The following HPSE2 variants were observed in gnomAD, a reference collection of about 807,000 sequenced individuals.
HPSE2 encodes the protein heparanase 2 (inactive).
Under a neutral mutation model 60.5 loss-of-function variants are expected in HPSE2, and 38 were observed. The observed-to-expected ratio is 0.63, with a 90% CI of 0.48 to 0.82. The LOEUF is 0.82. Among genes scored for constraint, HPSE2 ranks in the 40% least tolerant of loss-of-function variants. The pLI is 0.00. For missense variants in HPSE2, 713 were observed against 740.4 expected, an observed-to-expected ratio of 0.96 and a Z score of 0.43; for synonymous variants, 295 against 293.2, an observed-to-expected ratio of 1.01 and a Z score of -0.06.
intron 3 of HPSE2, among the ~76,000 whole-genome samples, chr10:99,112,054 T>C (rs1443656533): frequency 3.9e-5 from 6 of 152,046 alleles, no homozygotes; most frequent in Non-Finnish European, 8.8e-5. Context: ...ATGGGTTGAG[T>C]GAATATTAAC....
chr10:98,759,793 T>C lies in HPSE2; in HGVS notation c.611-15737A>G, dbSNP rs547946452. Among the ~76,000 whole-genome samples, 4 of 152,258 alleles carry C rather than the reference T, an allele frequency of 2.6e-5. No individual in the cohort carries two copies. In the East Asian group the frequency reaches 7.7e-4, roughly 29 times the overall value. On this transcript the variant is annotated intron_variant, in intron 3 of 11. Coordinates refer to ENST00000370552, the MANE Select transcript of HPSE2 (RefSeq NM_021828.5). ...CTATTCAGGGTCTTTTGTGGTTCCA[T>C]GTGAATTTTAGAATTGTTTTACTAT... is the stretch of plus-strand genomic sequence containing the variant.
intron 3 of HPSE2, among the ~76,000 whole-genome samples, chr10:99,115,303 G>A (rs961782637): frequency 2.0e-4 from 31 of 151,914 alleles, no homozygotes; most frequent in African/African-American, 6.5e-4. Context: ...GCAGGCGCCC[G>A]CCAACACACC....
Position 98,938,961 on chromosome 10 carries a change from A to C in HPSE2, c.611-194905T>G, listed in dbSNP as rs373032413. Among the ~76,000 whole-genome samples, 479 of 144,116 alleles carry C rather than the reference A, an allele frequency of 3.3e-3. 93 individuals carry two copies. The highest frequency in any genetic ancestry group is 0.011 in the African/African-American group (394 of 35,536). 94.5% of individuals were successfully genotyped at this position (144,116 alleles called of 152,430 possible). A position where few individuals can be genotyped will look rare whatever the true frequency, so the allele number is the denominator to read the frequency against. ...TTCTTAAAGAAAAGAATTTTCAACC[A>C]AGAATTTCATATCCAGCCAAACTAA... On this transcript the variant is annotated intron_variant, in intron 3 of 11. Coordinates refer to ENST00000370552, the MANE Select transcript of HPSE2 (RefSeq NM_021828.5).
chr10:99,038,537 G>A (rs1195152608), intron 3 of HPSE2, among the ~76,000 whole-genome samples: 1 of 152,110 alleles, frequency 6.6e-6, no homozygotes, highest in East Asian at 1.9e-4. Flanking sequence ...AGAAGTAGGT[G>A]TGACTATCAA....
chr10:98,588,433 G>C (rs1229650977), intron 9 of HPSE2, among the ~76,000 whole-genome samples: 1 of 152,188 alleles, frequency 6.6e-6, no homozygotes, highest in Admixed American at 6.5e-5. Flanking sequence ...GGCAGCTACA[G>C]TGGCACAGAA....
At chr10:98,733,745 T>C (rs543750595) in intron 4 of HPSE2, among the ~76,000 whole-genome samples, 10 of 152,264 alleles carry the variant, frequency 6.6e-5, no homozygotes, top group Non-Finnish European at 7.4e-5. Flanking sequence ...ATTACAAATA[T>C]AAGCCTCTAA....
intron 9 of HPSE2, among the ~76,000 whole-genome samples, chr10:98,565,129 A>G (rs1285150021): frequency 2.0e-5 from 3 of 147,850 alleles, no homozygotes; most frequent in African/African-American, 5.0e-5. Flanking sequence ...AGAAACAGAA[A>G]CCCAAGCAGA....
At chr10:98,831,976 C>T (rs1027395039) in intron 3 of HPSE2, among the ~76,000 whole-genome samples, 1 of 152,174 alleles carries the variant, frequency 6.6e-6, no homozygotes, top group Non-Finnish European at 1.5e-5. Flanking sequence ...TAGGTTTGAT[C>T]CCTTGGGATA....
the HPSE2 span, among the ~76,000 whole-genome samples, chr10:99,271,884 T>C: frequency 1.3e-5 from 2 of 151,876 alleles, no homozygotes; most frequent in East Asian, 3.9e-4. Flanking sequence ...AAACATAAGG[T>C]GGGGAAAGGA....
chr10:98,976,898 A>G (rs1214753283), intron 3 of HPSE2, among the ~76,000 whole-genome samples: 1 of 152,202 alleles, frequency 6.6e-6, no homozygotes, highest in African/African-American at 2.4e-5. Context: ...AAGTATCCTT[A>G]TAAAAGACAC....
chr10:98,613,988 C>T (rs1945830234), intron 9 of HPSE2, among the ~76,000 whole-genome samples: 1 of 152,274 alleles, frequency 6.6e-6, no homozygotes, highest in South Asian at 2.1e-4. Context: ...CTGCTTTTGC[C>T]ATTCTAGTTT....
At chr10:98,531,628 G>A (rs902104281) in intron 9 of HPSE2, among the ~76,000 whole-genome samples, 8 of 152,164 alleles carry the variant, frequency 5.3e-5, no homozygotes, top group African/African-American at 1.7e-4. Context: ...TCAAATTAGG[G>A]CAACAAGCTC....
intron 3 of HPSE2, among the ~76,000 whole-genome samples, chr10:98,800,352 A>C (rs1364929806): frequency 1.3e-5 from 2 of 150,976 alleles, no homozygotes; most frequent in Non-Finnish European, 3.0e-5. Flanking sequence ...TGGATGACAG[A>C]GTGAGACCCT....
the HPSE2 span, among the ~76,000 whole-genome samples, chr10:99,288,285 G>A: frequency 6.6e-6 from 1 of 152,022 alleles, no homozygotes; most frequent in Admixed American, 6.6e-5. Context: ...ACGGTGGATG[G>A]TTCTGTTAAG....
In HPSE2 at chr10:98,776,891, T is replaced by C. The variant is rs149307927; in HGVS notation, c.611-32835A>G. On this transcript the variant is annotated intron_variant, in intron 3 of 11. Coordinates refer to ENST00000370552, the MANE Select transcript of HPSE2 (RefSeq NM_021828.5). ...AGGAGAATGTTCTTAGTATAGGAGA[T>C]GCATGCTAAGGGCTAAAATGTCATG... Among the ~76,000 whole-genome samples, 114 of 152,290 alleles carry C rather than the reference T, an allele frequency of 7.5e-4. 1 individual carries two copies. The highest frequency in any genetic ancestry group is 2.6e-3 in the African/African-American group (110 of 41,564).
intron 3 of HPSE2, among the ~76,000 whole-genome samples, chr10:99,140,893 C>T (rs955439476): frequency 6.6e-6 from 1 of 152,076 alleles, no homozygotes; most frequent in African/African-American, 2.4e-5. Context: ...AAAAATTAGC[C>T]GGATGTGGTG....
intron 3 of HPSE2, among the ~76,000 whole-genome samples, chr10:98,856,391 C>A (rs1268807667): frequency 6.6e-6 from 1 of 151,996 alleles, no homozygotes; most frequent in African/African-American, 2.4e-5. Flanking sequence ...GAACATTAAA[C>A]CAGATTAAAA....
intron 3 of HPSE2, among the ~76,000 whole-genome samples, chr10:98,860,820 T>A (rs1403569017): frequency 1.3e-5 from 2 of 152,200 alleles, no homozygotes; most frequent in African/African-American, 4.8e-5. Flanking sequence ...AAAATAATTG[T>A]ATTTATGGTT....
intron 3 of HPSE2, among the ~76,000 whole-genome samples, chr10:98,869,677 T>G (rs1387875046): frequency 6.6e-6 from 1 of 152,174 alleles, no homozygotes; most frequent in African/African-American, 2.4e-5. Context: ...CAGAAAGTAG[T>G]GCCCAGGGAG....
Sources: gnomAD v4.1 joint callset for allele counts (sites outside exome capture counted in the v4.1 genomes callset) on GRCh38, gnomAD v4.1.1 for gene constraint, MANE v1.5 for transcripts, NCBI Gene and HGNC (gene_info 2026-07-23, HGNC 2026-07-21) for gene names.